STAT5A: variants seen among roughly 807,000 people sequenced by gnomAD.
STAT5A encodes epididymis secretory sperm binding protein.
STAT5A carries 26 observed loss-of-function variants against 100.2 expected under a neutral mutation model. The ratio of observed to expected loss-of-function variants is 0.26; its 90% CI spans 0.19 to 0.36. The LOEUF is 0.36. Ranked by LOEUF, STAT5A falls within the 10% of genes least tolerant of loss-of-function variation. The pLI is 1.00. For synonymous variants in STAT5A, 330 were observed against 424.3 expected (o/e 0.78, Z 2.73); for missense variants, 634 against 1,027.5 (o/e 0.62, Z 5.24).
chr17:42,289,771 G>T, intron 2 of STAT5A, 95 bp from the exon 3 acceptor site: 4 of 1,440,128 alleles, frequency 2.8e-6, no homozygotes, highest in Non-Finnish European at 3.7e-6. Context: ...AGTGCCCTCG[G>T]TCATGAGCCT....
chr17:42,302,166 C>CA (rs1460713900), intron 9 of STAT5A, among the ~76,000 whole-genome samples: 1 of 152,118 alleles, frequency 6.6e-6, no homozygotes, highest in African/African-American at 2.4e-5. Context: ...ACCCTGTCTC[C>CA]AAAAAAATCA....
In STAT5A at chr17:42,304,657, G is replaced by A. The variant is rs538403534; in HGVS notation, c.1380+5G>A. 6.2e-7 allele frequency: 1 copy of A among 1,613,994 alleles called. No individual in the cohort carries two copies. The highest frequency in any genetic ancestry group is 1.1e-5 in the South Asian group (1 of 91,038). Reference sequence around the variant, plus strand: ...GAGCTTGTGTTCCAGGTGAAGGTGAGACCCCCAGCCCTCCTGCCCCCACTG... The same window carrying A: ...GAGCTTGTGTTCCAGGTGAAGGTGAAACCCCCAGCCCTCCTGCCCCCACTG... On this transcript the variant is annotated splice_donor_5th_base_variant and intron_variant, in intron 11 of 18. Transcript: ENST00000590949. The surrounding 1 kb of genome is among the most constrained non-coding windows in gnomAD (Gnocchi z 4.8).
chr17:42,308,211 C>T lies in STAT5A; in HGVS notation c.1940C>T (p.Thr647Ile), dbSNP rs1457694572. The T allele has an allele frequency of 1.2e-6, 2 of 1,614,248 alleles. No homozygotes were observed. Among genetic ancestry groups the T allele is most frequent in the South Asian group, 2.2e-5 (2 of 91,090 alleles). The change falls in exon 16 of 19, where the codon ACC (threonine) becomes ATC (isoleucine). Residue 647 changes from threonine to isoleucine, a missense_variant. Thr to Ile is a moderately conservative substitution (Grantham distance 89, BLOSUM62 -1). Coordinates refer to ENST00000590949, the MANE Select transcript of STAT5A (RefSeq NM_001288718.2). This position sits in a 1 kb window ranked among gnomAD's most constrained non-coding sequence, Gnocchi z 4.6. ...ERNLWNLKPF[T>I]TRDFSIRSLA... The stretch of plus-strand genomic sequence containing the variant: ...AACCTGTGGAACCTGAAACCATTCA[C>T]CACGCGGGATTTCTCCATCAGGTCC...
At position 42,289,662 on chromosome 17, in the gene STAT5A, G is replaced by A. The variant is rs143393929; in HGVS notation, c.128+123G>A. ...CTGCCTGTCCTTCTTTGTGCGGAAG[G>A]GGTGGTGCCCCTGGGAAAGGGGAAG... On this transcript the variant is annotated intron_variant, in intron 2 of 18. Coordinates refer to ENST00000590949, the MANE Select transcript of STAT5A (RefSeq NM_001288718.2). The A allele has an allele frequency of 2.7e-4, 399 of 1,456,840 alleles. No homozygotes were observed. The African/African-American group carries it at 3.4e-3, about 13-fold the overall frequency. 90.2% of individuals were successfully genotyped at this position (1,456,840 alleles called of 1,614,324 possible).
intron 18 of STAT5A, among the ~76,000 whole-genome samples, 154 bp from the exon 19 acceptor site, chr17:42,310,353 C>T (rs2081068433): frequency 6.6e-6 from 1 of 152,216 alleles, no homozygotes; most frequent in African/African-American, 2.4e-5. Flanking sequence ...GGGCTGACTG[C>T]TACCCAGCTT....
rs3198502 is a variant in STAT5A at position 42,310,976 on chromosome 17, G to T, written c.*307G>T. On this transcript the variant is annotated 3_prime_UTR_variant, in exon 19 of 19. Transcript: ENST00000590949. ...AATGCAGCCAGACCTATTCCTCCTG[G>T]GCCCCTCATCTGCTCAGCAGCTATT... 0.24 allele frequency: 94,019 copies of T among 387,336 alleles called. 13,408 individuals are homozygous for T. Among genetic ancestry groups the T allele is most frequent in the African/African-American group, 0.43 (21,513 of 49,740 alleles). The allele number at this position is 387,336 out of a possible 1,614,324, so 24.0% of individuals were successfully genotyped here. A position where few individuals can be genotyped will look rare whatever the true frequency, so the allele number is the denominator to read the frequency against.
rs773925700 is a variant in STAT5A at position 42,310,489 on chromosome 17, T to TC, written c.2223-13dup. 2 of 1,613,594 alleles carry TC rather than the reference T, an allele frequency of 1.2e-6. No homozygotes were observed. The highest frequency in any genetic ancestry group is 1.7e-6 in the Non-Finnish European group (2 of 1,179,666). ...TGAGACATGCCAGCTCCCTCTGACA[T>TC]CCCCCTGTCTTTACCAGCCCTGACC... On this transcript the variant is annotated splice_polypyrimidine_tract_variant and intron_variant, in intron 18 of 18. Coordinates refer to ENST00000590949, the MANE Select transcript of STAT5A (RefSeq NM_001288718.2).
Position 42,306,386 on chromosome 17 carries a change from A to G in STAT5A, c.1619A>G (p.Asn540Ser), listed in dbSNP as rs2081028739. The change falls in exon 13 of 19, where the codon AAC (asparagine) becomes AGC (serine). Residue 540 changes from asparagine to serine, a missense_variant. By Grantham distance (46) the Asn-to-Ser change is conservative (BLOSUM62 1). This residue lies in a region of STAT5A where 210 missense variants were observed against 428.4 expected (regional missense o/e 0.49). Transcript: ENST00000590949. ...TTCCTGGCGCAGAAACTGTTCAACAACAGCAGCAGCCACCTGGAGGACTAC... is the reference window on the plus strand; with the variant it reads ...TTCCTGGCGCAGAAACTGTTCAACAGCAGCAGCAGCCACCTGGAGGACTAC... ...LVFLAQKLFN[N>S]SSSHLEDYSG... 2 of 1,614,144 alleles carry G rather than the reference A, an allele frequency of 1.2e-6. No homozygotes were observed. Among genetic ancestry groups the G allele is most frequent in the East Asian group, 2.2e-5 (1 of 44,874 alleles).
At chr17:42,301,630 A>G (rs914393680) in intron 9 of STAT5A, among the ~76,000 whole-genome samples, 176 bp downstream of exon 9, 2 of 152,172 alleles carry the variant, frequency 1.3e-5, no homozygotes, top group African/African-American at 4.8e-5. Context: ...TGCTGAGTTG[A>G]TAGGCGTGAG....
chr17:42,308,657 T>C lies in STAT5A; in HGVS notation c.2062+324T>C, dbSNP rs2081052153. The C allele has an allele frequency of 4.1e-6, 2 of 487,676 alleles. No homozygotes were observed. The highest frequency in any genetic ancestry group is 7.4e-6 in the Non-Finnish European group (2 of 269,210). The allele number at this position is 487,676 out of a possible 1,614,324, so 30.2% of individuals were successfully genotyped here. A position where few individuals can be genotyped will look rare whatever the true frequency, so the allele number is the denominator to read the frequency against. ...CACAGATAGTGCTCCGCTCCCCACC[T>C]CACCAGCTGCTCTCCACACCCTGCT... On this transcript the variant is annotated intron_variant, in intron 16 of 18. Coordinates refer to ENST00000590949, the MANE Select transcript of STAT5A (RefSeq NM_001288718.2). This position sits in a 1 kb window ranked among gnomAD's most constrained non-coding sequence, Gnocchi z 4.6.
intron 18 of STAT5A, among the ~76,000 whole-genome samples, chr17:42,310,281 C>T (rs1230505156): frequency 6.6e-6 from 1 of 152,246 alleles, no homozygotes; most frequent in African/African-American, 2.4e-5. Context: ...AAATGAATTC[C>T]CTAAGATTAT....
Position 42,308,731 on chromosome 17 carries a change from CTCT to C in STAT5A, c.2063-310_2063-308del. On this transcript the variant is annotated intron_variant, in intron 16 of 18. Transcript: ENST00000590949. This position sits in a 1 kb window ranked among gnomAD's most constrained non-coding sequence, Gnocchi z 4.6. ...TGCAGGCAGCAAAAGGGAGAAGTCTCTCTTCTTCCAGCTGCCCCAAATCCATTG... is the reference window on the plus strand; with the variant it reads ...TGCAGGCAGCAAAAGGGAGAAGTCTCTCTTCCAGCTGCCCCAAATCCATTG... 2.0e-6 allele frequency: 1 copy of C among 507,572 alleles called. No homozygotes were observed. The highest frequency in any genetic ancestry group is 3.4e-5 in the Admixed American group (1 of 29,416). The allele number at this position is 507,572 out of a possible 1,614,324, so 31.4% of individuals were successfully genotyped here.
At chr17:42,296,802 T>C (rs191357500) in intron 5 of STAT5A, among the ~76,000 whole-genome samples, 2 of 152,296 alleles carry the variant, frequency 1.3e-5, no homozygotes, top group Admixed American at 1.3e-4. Flanking sequence ...CACGCCCAGC[T>C]GATTTTTTTA....
At chr17:42,298,268 C>T (rs1257239529) in intron 5 of STAT5A, among the ~76,000 whole-genome samples, 4 of 151,734 alleles carry the variant, frequency 2.6e-5, no homozygotes, top group Non-Finnish European at 5.9e-5. Flanking sequence ...TCAAGCAATT[C>T]TCCTGCCTCA....
chr17:42,298,348 A>G (rs535533171), intron 5 of STAT5A, among the ~76,000 whole-genome samples: 25 of 151,018 alleles, frequency 1.7e-4, no homozygotes, highest in African/African-American at 6.1e-4. Flanking sequence ...TTTAGTAGAG[A>G]CAGGGTCTTG....
rs867125508 is a variant in STAT5A at position 42,305,760 on chromosome 17, T to C, written c.1473+58T>C. The C allele has an allele frequency of 4.5e-6, 7 of 1,559,646 alleles. No individual in the cohort carries two copies. In the Middle Eastern group the frequency reaches 5.1e-4, roughly 114 times the overall value. ...CCCAGGCCCTAGGACTCACCTGGGGTCAGCCCCACCCCTTGGGCCCCTGCT... is the reference window on the plus strand; with the variant it reads ...CCCAGGCCCTAGGACTCACCTGGGGCCAGCCCCACCCCTTGGGCCCCTGCT... On this transcript the variant is annotated intron_variant, in intron 12 of 18. Transcript: ENST00000590949.
intron 5 of STAT5A, among the ~76,000 whole-genome samples, chr17:42,296,889 A>G (rs2080923159): frequency 6.6e-6 from 1 of 152,174 alleles, no homozygotes; most frequent in Admixed American, 6.5e-5. Context: ...GACCAGCACA[A>G]TGCCTGAATA....
Position 42,306,405 on chromosome 17 carries a change from G to A in STAT5A, c.1638G>A (p.Glu546=), listed in dbSNP as rs1178376597. The A allele has an allele frequency of 6.2e-7, 1 of 1,613,972 alleles. No homozygotes were observed. The highest frequency in any genetic ancestry group is 8.5e-7 in the Non-Finnish European group (1 of 1,179,946). ...KLFNNSSSHL[E]DYSGLSVSWS... Reference sequence around the variant, plus strand: ...TCAACAACAGCAGCAGCCACCTGGAGGACTACAGTGGCCTGTCCGTGTCCT... The same window carrying A: ...TCAACAACAGCAGCAGCCACCTGGAAGACTACAGTGGCCTGTCCGTGTCCT... The change falls in exon 13 of 19, where the codon GAG becomes GAA. Residue 546 remains glutamate, a synonymous_variant. Coordinates refer to ENST00000590949, the MANE Select transcript of STAT5A (RefSeq NM_001288718.2).
chr17:42,302,671 C>T (rs1342087960), intron 9 of STAT5A, among the ~76,000 whole-genome samples: 7 of 152,200 alleles, frequency 4.6e-5, no homozygotes, highest in Admixed American at 6.5e-5. Context: ...AGGTGGCTCA[C>T]GCCTGTAATC....
Sources: gnomAD v4.1 joint callset for allele counts (sites outside exome capture counted in the v4.1 genomes callset) on GRCh38, gnomAD v4.1.1 for gene constraint, gnomAD v4.1.1 regional missense constraint, Gnocchi (gnomAD v3.1) non-coding constraint, MANE v1.5 for transcripts, NCBI Gene and HGNC (gene_info 2026-07-23, HGNC 2026-07-21) for gene names.